Variants in MIPEP observed in about 807,000 individuals in gnomAD.
MIPEP encodes mitochondrial intermediate peptidase.
In MIPEP, 79 loss-of-function variants were observed where a neutral mutation model predicts 90.3. The observed-to-expected ratio is 0.87, with a 90% CI of 0.73 to 1.05. MIPEP has a LOEUF of 1.05. Ranked by LOEUF, MIPEP falls within the 50% of genes least tolerant of loss-of-function variation. The pLI is 0.00. For synonymous variants in MIPEP, 334 were observed against 315.8 expected, an observed-to-expected ratio of 1.06 and a Z score of -0.61; for missense variants, 940 against 905.6, an observed-to-expected ratio of 1.04 and a Z score of -0.49.
rs567373551 is a variant in MIPEP, at chr13:23,826,704, C to T, written c.1653+9536G>A. Among the ~76,000 whole-genome samples the T allele has an allele frequency of 4.0e-5, 6 of 151,452 alleles. No individual in the cohort carries two copies. In the South Asian group the frequency reaches 6.3e-4, roughly 16 times the overall value. On this transcript the variant is annotated intron_variant, in intron 14 of 18. Transcript: ENST00000382172. Reference sequence around the variant, plus strand: ...TGCTTATGTTAAATAAAACAGAAACCGAATTAGATAAATGCCTATGAAATC... The same window carrying T: ...TGCTTATGTTAAATAAAACAGAAACTGAATTAGATAAATGCCTATGAAATC...
intron 7 of MIPEP, 138 bp downstream of exon 7, chr13:23,869,153 TA>T (rs1243452223): frequency 9.1e-6 from 7 of 769,138 alleles, no homozygotes; most frequent in Non-Finnish European, 1.3e-5. Context: ...ATGGTTCCTA[TA>T]AAAATACATA....
intron 14 of MIPEP, among the ~76,000 whole-genome samples, chr13:23,819,533 A>C (rs1224131088): frequency 1.3e-5 from 2 of 152,192 alleles, no homozygotes; most frequent in Non-Finnish European, 2.9e-5. Flanking sequence ...AAACGGATCT[A>C]TAACCAAATT....
At position 23,826,322 on chromosome 13, in the gene MIPEP, T is replaced by A. The variant is rs180882253; in HGVS notation, c.1653+9918A>T. Among the ~76,000 whole-genome samples the A allele has an allele frequency of 3.4e-4, 51 of 152,226 alleles. 1 individual carries two copies. In the East Asian group the frequency reaches 8.7e-3, roughly 26 times the overall value. ...AGATCTAAACAATACAATTAAAAGG[T>A]TGACTTACCAGACTAGTATGAAACC... On this transcript the variant is annotated intron_variant, in intron 14 of 18. Transcript: ENST00000382172.
intron 17 of MIPEP, among the ~76,000 whole-genome samples, chr13:23,758,947 G>A (rs1952512793): frequency 6.6e-6 from 1 of 152,162 alleles, no homozygotes; most frequent in Non-Finnish European, 1.5e-5. Flanking sequence ...AAACGTGCTG[G>A]TTTCTGCCAA....
At position 23,879,417 on chromosome 13, in the gene MIPEP, T is replaced by C. The variant is rs1871196425; in HGVS notation, c.453-63A>G. Reference sequence around the variant, plus strand: ...CTAATACCTTATTTTTAACTTTACATGAAAAGAATGGTGTCAGCTTGTACC... The same window carrying C: ...CTAATACCTTATTTTTAACTTTACACGAAAAGAATGGTGTCAGCTTGTACC... On this transcript the variant is annotated intron_variant, in intron 3 of 18. Transcript: ENST00000382172. 4.6e-6 allele frequency: 4 copies of C among 874,662 alleles called. No homozygotes were observed. In the Admixed American group the frequency reaches 7.5e-5, roughly 16 times the overall value. 54.2% of individuals were successfully genotyped at this position (874,662 alleles called of 1,614,324 possible).
chr13:23,751,367 CTTTGG>C (rs1952438494), intron 18 of MIPEP, among the ~76,000 whole-genome samples: 1 of 152,180 alleles, frequency 6.6e-6, no homozygotes, highest in Non-Finnish European at 1.5e-5. Flanking sequence ...GGCTTCTAGA[CTTTGG>C]TTTGGTGAGT....
intron 14 of MIPEP, among the ~76,000 whole-genome samples, chr13:23,832,772 GC>G (rs63390460): frequency 0.61 from 92,911 of 152,056 alleles, 29,595 homozygotes; most frequent in East Asian, 0.78. Flanking sequence ...CACCTGAACT[GC>G]AGCCAAGTTT....
chr13:23,870,486 T>C (rs917269390), intron 5 of MIPEP, among the ~76,000 whole-genome samples: 3 of 152,170 alleles, frequency 2.0e-5, no homozygotes, highest in Non-Finnish European at 2.9e-5. Context: ...CTAGGTTATA[T>C]AACTAATTGT....
chr13:23,805,496 A>G (rs1953097965), intron 16 of MIPEP, among the ~76,000 whole-genome samples: 1 of 152,136 alleles, frequency 6.6e-6, no homozygotes, highest in Admixed American at 6.6e-5. Flanking sequence ...TGGTAACATT[A>G]CTCCTGCTCT....
intron 16 of MIPEP, among the ~76,000 whole-genome samples, chr13:23,779,837 C>A (rs763192501): frequency 4.6e-5 from 7 of 152,246 alleles, no homozygotes; most frequent in Non-Finnish European, 1.0e-4. Context: ...GAGGTTCCCA[C>A]ACTCACAGAG....
intron 18 of MIPEP, among the ~76,000 whole-genome samples, chr13:23,736,505 G>A (rs1952265112): frequency 6.6e-6 from 1 of 152,130 alleles, no homozygotes. Flanking sequence ...AAATTAGCGT[G>A]TTTCATAACC....
chr13:23,878,096 T>C (rs553312786), intron 4 of MIPEP, among the ~76,000 whole-genome samples: 18 of 152,360 alleles, frequency 1.2e-4, no homozygotes, highest in Admixed American at 2.6e-4. Flanking sequence ...CGATCTTCAG[T>C]AAATAGAGAT....
intron 18 of MIPEP, among the ~76,000 whole-genome samples, chr13:23,731,953 C>T (rs561521479): frequency 6.7e-6 from 1 of 148,758 alleles, no homozygotes; most frequent in East Asian, 2.0e-4. Flanking sequence ...TATTACACAT[C>T]CACCAGAATA....
Position 23,889,177 on chromosome 13 carries a change from A to G in MIPEP, c.144T>C (p.Asn48=). 6.8e-7 allele frequency: 1 copy of G among 1,466,154 alleles called. No individual in the cohort carries two copies. The highest frequency in any genetic ancestry group is 9.0e-7 in the Non-Finnish European group (1 of 1,110,526). The allele number at this position is 1,466,154 out of a possible 1,614,324, so 90.8% of individuals were successfully genotyped here. ...CCAAGCGGCTGCCCTGGGGCTTGAC[A>G]TTGAAGGCGGCGCCCACGGGAGACC... ...TSWSPVGAAF[N]VKPQGSRLDL... Residue 48 remains asparagine, a synonymous_variant, in exon 1 of 19, where the codon AAT becomes AAC. Coordinates refer to ENST00000382172, the MANE Select transcript of MIPEP (RefSeq NM_005932.4).
chr13:23,766,667 A>C (rs573682596), intron 16 of MIPEP, among the ~76,000 whole-genome samples: 1 of 152,336 alleles, frequency 6.6e-6, no homozygotes, highest in East Asian at 1.9e-4. Context: ...CCCTACTGAC[A>C]GTTTACCAAA....
chr13:23,876,381 A>G (rs1214183595), intron 4 of MIPEP, among the ~76,000 whole-genome samples: 1 of 152,198 alleles, frequency 6.6e-6, no homozygotes, highest in African/African-American at 2.4e-5. Flanking sequence ...TCCGTTTTAC[A>G]AAGGAGAAAA....
At chr13:23,859,386 C>T (rs1025202978) in intron 9 of MIPEP, among the ~76,000 whole-genome samples, 2 of 152,182 alleles carry the variant, frequency 1.3e-5, no homozygotes, top group African/African-American at 4.8e-5. Context: ...GCAGAATTAA[C>T]TCTAATCTTG....
chr13:23,751,316 T>G (rs1952438037), intron 18 of MIPEP, among the ~76,000 whole-genome samples: 1 of 152,194 alleles, frequency 6.6e-6, no homozygotes, highest in Non-Finnish European at 1.5e-5. Context: ...TACAGAAACG[T>G]AAGGTATTAT....
chr13:23,835,461 C>T (rs992897218), intron 14 of MIPEP, among the ~76,000 whole-genome samples: 4 of 152,016 alleles, frequency 2.6e-5, no homozygotes, highest in Admixed American at 2.0e-4. Context: ...CTATTCGTCC[C>T]CTCATTTAAT....
Sources: gnomAD v4.1 joint callset for allele counts (sites outside exome capture counted in the v4.1 genomes callset) on GRCh38, gnomAD v4.1.1 for gene constraint, MANE v1.5 for transcripts, NCBI Gene and HGNC (gene_info 2026-07-23, HGNC 2026-07-21) for gene names.